Variants in DIAPH3 observed in about 807,000 individuals in gnomAD.
DIAPH3 encodes the protein diaphanous related formin 3, also known as protein diaphanous homolog 3.
DIAPH3 carries 117 observed loss-of-function variants against 144.3 expected under a neutral mutation model. The ratio of observed to expected loss-of-function variants is 0.81; its 90% CI spans 0.70 to 0.95. The LOEUF (loss-of-function observed/expected upper bound fraction) is 0.95. Among genes scored for constraint, DIAPH3 ranks in the 40% least tolerant of loss-of-function variants. DIAPH3 has a pLI of 0.00. For synonymous variants in DIAPH3, 519 were observed against 488.9 expected (o/e 1.06, Z -0.81); for missense variants, 1,421 against 1,412.7 (o/e 1.01, Z -0.09).
intron 18 of DIAPH3, among the ~76,000 whole-genome samples, chr13:59,917,567 C>T (rs192364234): frequency 5.3e-5 from 8 of 152,060 alleles, no homozygotes; most frequent in African/African-American, 1.4e-4. Context: ...ATCCCAAGAA[C>T]AAGATGAAAT....
Position 59,853,133 on chromosome 13 carries a change from G to A in DIAPH3, c.2737+8274C>T, listed in dbSNP as rs544986982. Among the ~76,000 whole-genome samples, 6 of 152,218 alleles carry A rather than the reference G, an allele frequency of 3.9e-5. No homozygotes were observed. The South Asian group carries it at 1.2e-3, about 32-fold the overall frequency. ...CTAAGATTATACCTATAACAAGCTG[G>A]GGTTTCAACTCCAGGTGAACCAGTT... On this transcript the variant is annotated intron_variant, in intron 22 of 27. Transcript: ENST00000400324.
chr13:60,052,063 G>T (rs1434574109), intron 4 of DIAPH3, among the ~76,000 whole-genome samples: 1 of 152,166 alleles, frequency 6.6e-6, no homozygotes, highest in Admixed American at 6.6e-5. Context: ...GCAGAGGAGG[G>T]GGCAATTTAG....
intron 25 of DIAPH3, among the ~76,000 whole-genome samples, chr13:59,805,180 ATTTAC>A (rs945655537): frequency 2.0e-5 from 3 of 152,040 alleles, no homozygotes; most frequent in African/African-American, 7.2e-5. Context: ...ATAAGCTCTT[ATTTAC>A]TTCCCCCACA....
At chr13:60,014,426 A>G (rs912335789) in intron 7 of DIAPH3, among the ~76,000 whole-genome samples, 10 of 152,168 alleles carry the variant, frequency 6.6e-5, no homozygotes, top group Non-Finnish European at 1.5e-5. Context: ...CCTACATCAC[A>G]TATTTTCTTT....
chr13:59,745,440 T>G lies in DIAPH3; in HGVS notation c.3319+28749A>C, dbSNP rs148608822. On this transcript the variant is annotated intron_variant, in intron 27 of 27. Transcript: ENST00000400324. ...AGTGTACCTAGGGTGTTGAGTTTTC[T>G]CATGATTTTAGTGGGTAGAGAAAGG... 3.7e-3 allele frequency among the ~76,000 whole-genome samples: 561 copies of G among 152,286 alleles called. 4 individuals are homozygous for G. Among genetic ancestry groups the G allele is most frequent in the African/African-American group, 0.013 (537 of 41,562 alleles).
Position 59,729,240 on chromosome 13 carries a change from T to A in DIAPH3, c.3319+44949A>T, listed in dbSNP as rs555981737. Among the ~76,000 whole-genome samples, 9 of 152,300 alleles carry A rather than the reference T, an allele frequency of 5.9e-5. No homozygotes were observed. In the East Asian group the frequency reaches 1.7e-3, roughly 29 times the overall value. On this transcript the variant is annotated intron_variant, in intron 27 of 27. Coordinates refer to ENST00000400324, the MANE Select transcript of DIAPH3 (RefSeq NM_001042517.2). ...ATCTTGGCAGAAGCATGATCCTAGG[T>A]ACGTATCAGTCAGGCAATTACTTAT...
At chr13:60,104,056 A>G (rs1490161711) in intron 3 of DIAPH3, among the ~76,000 whole-genome samples, 1 of 152,180 alleles carries the variant, frequency 6.6e-6, no homozygotes, top group African/African-American at 2.4e-5. Context: ...CTAGTTCTGC[A>G]ATTTAATAAA....
chr13:59,915,811 C>A (rs2047193283), intron 19 of DIAPH3, among the ~76,000 whole-genome samples: 1 of 151,704 alleles, frequency 6.6e-6, no homozygotes, highest in African/African-American at 2.4e-5. Context: ...TCTTCATAAG[C>A]CAAAGAAAAA....
intron 17 of DIAPH3, among the ~76,000 whole-genome samples, chr13:59,963,728 A>G (rs1386298959): frequency 6.6e-6 from 1 of 151,986 alleles, no homozygotes; most frequent in East Asian, 1.9e-4. Context: ...CTATCACCCA[A>G]TCTCTACTTT....
chr13:60,145,455 G>A (rs1211397005), intron 1 of DIAPH3, among the ~76,000 whole-genome samples: 1 of 152,144 alleles, frequency 6.6e-6, no homozygotes, highest in African/African-American at 2.4e-5. Context: ...AGACCATCCT[G>A]GCTAACACAG....
chr13:60,090,084 C>T (rs975435681), intron 4 of DIAPH3, among the ~76,000 whole-genome samples: 1 of 152,104 alleles, frequency 6.6e-6, no homozygotes, highest in African/African-American at 2.4e-5. Flanking sequence ...CATCCAATGG[C>T]GGAACAAAGT....
At chr13:60,045,316 G>C (rs1020049478) in intron 4 of DIAPH3, among the ~76,000 whole-genome samples, 1 of 151,346 alleles carries the variant, frequency 6.6e-6, no homozygotes, top group African/African-American at 2.4e-5. Context: ...CTCCAGCCTG[G>C]GCAACAAGAT....
chr13:59,878,726 A>G (rs939024026), intron 21 of DIAPH3, among the ~76,000 whole-genome samples: 1 of 152,160 alleles, frequency 6.6e-6, no homozygotes, highest in Admixed American at 6.6e-5. Flanking sequence ...AAACACTTCA[A>G]AATCAATAAT....
chr13:59,742,176 T>C (rs4886192), intron 27 of DIAPH3, among the ~76,000 whole-genome samples: 59,625 of 151,922 alleles, frequency 0.39, 12,169 homozygotes, highest in African/African-American at 0.5. Flanking sequence ...CCCCATGATT[T>C]AATTATCTCT....
At chr13:59,969,862 T>C (rs2050255731) in intron 17 of DIAPH3, 82 bp downstream of exon 17, 1 of 862,246 alleles carries the variant, frequency 1.2e-6, no homozygotes, top group South Asian at 1.7e-5. Context: ...CATAAAATAA[T>C]GTTTTCTGAA....
intron 21 of DIAPH3, among the ~76,000 whole-genome samples, chr13:59,870,195 G>T (rs530645448): frequency 6.7e-6 from 1 of 149,588 alleles, no homozygotes; most frequent in Non-Finnish European, 1.5e-5. Context: ...AGATGTTCTC[G>T]TACCTTTTCT....
intron 18 of DIAPH3, among the ~76,000 whole-genome samples, chr13:59,918,434 C>T (rs2047343624): frequency 6.6e-6 from 1 of 152,136 alleles, no homozygotes; most frequent in South Asian, 2.1e-4. Flanking sequence ...TGGCCTATAT[C>T]ACTGACGGAT....
intron 4 of DIAPH3, among the ~76,000 whole-genome samples, chr13:60,080,451 A>T (rs940706378): frequency 2.0e-5 from 3 of 151,908 alleles, no homozygotes; most frequent in African/African-American, 7.2e-5. Flanking sequence ...TTCAGAATTC[A>T]CTTTCTAATT....
At chr13:60,145,732 T>A (rs1259686539) in intron 1 of DIAPH3, among the ~76,000 whole-genome samples, 1 of 152,000 alleles carries the variant, frequency 6.6e-6, no homozygotes, top group Non-Finnish European at 1.5e-5. Flanking sequence ...GAATACATGG[T>A]TTGCTAGGGT....
Sources: allele counts gnomAD v4.1 joint callset (sites outside exome capture counted in the v4.1 genomes callset), GRCh38; gene constraint gnomAD v4.1.1; transcripts MANE v1.5; gene names NCBI Gene and HGNC (gene_info 2026-07-23, HGNC 2026-07-21).